ROBO2: variants seen among roughly 807,000 people sequenced by gnomAD.
ROBO2 encodes the protein roundabout homolog 2.
In ROBO2, 53 loss-of-function variants were observed where a neutral mutation model predicts 160.8. The ratio of observed to expected loss-of-function variants is 0.33; its 90% CI spans 0.26 to 0.41. The LOEUF is 0.41. Among genes scored for constraint, ROBO2 ranks in the 10% least tolerant of loss-of-function variants. ROBO2 has a pLI of 1.00. For synonymous variants in ROBO2, 664 were observed against 611.7 expected, an observed-to-expected ratio of 1.09 and a Z score of -1.26; for missense variants, 1,577 against 1,722.4, an observed-to-expected ratio of 0.92 and a Z score of 1.49.
intron 5 of ROBO2, among the ~76,000 whole-genome samples, chr3:77,518,837 C>T (rs549087317): frequency 4.6e-5 from 7 of 151,552 alleles, no homozygotes; most frequent in South Asian, 2.1e-4. Flanking sequence ...TAGGCTAGAC[C>T]GTTAAAAATT....
intron 2 of ROBO2, among the ~76,000 whole-genome samples, chr3:76,828,768 A>T (rs575343315): frequency 3.3e-5 from 5 of 152,058 alleles, no homozygotes; most frequent in Admixed American, 6.6e-5. Flanking sequence ...CTTATCCTTT[A>T]TGTCCTGTGT....
chr3:76,783,975 CT>C (rs945686006), intron 2 of ROBO2, among the ~76,000 whole-genome samples: 7 of 150,746 alleles, frequency 4.6e-5, no homozygotes, highest in Admixed American at 6.6e-5. Context: ...AGTTCACTGA[CT>C]TTTTTTTCTA....
chr3:76,643,654 ATTTAT>A (rs67702868), intron 2 of ROBO2, among the ~76,000 whole-genome samples: 2,611 of 128,958 alleles, frequency 0.02, 69 homozygotes, highest in African/African-American at 0.07. Flanking sequence ...TTAATACATA[ATTTAT>A]GTCTACCCCT....
intron 8 of ROBO2, among the ~76,000 whole-genome samples, chr3:77,556,518 GA>G (rs781183835): frequency 2.0e-5 from 3 of 151,818 alleles, no homozygotes; most frequent in Non-Finnish European, 4.4e-5. Context: ...GCTTTCTCAT[GA>G]TAGGTTCTGA....
intron 2 of ROBO2, among the ~76,000 whole-genome samples, chr3:76,893,636 G>A (rs1400294564): frequency 1.3e-5 from 2 of 151,916 alleles, no homozygotes; most frequent in East Asian, 3.9e-4. Context: ...AGGTATCCAT[G>A]AATTCAAATA....
intron 2 of ROBO2, among the ~76,000 whole-genome samples, chr3:76,150,482 G>A (rs1159520878): frequency 1.3e-5 from 2 of 150,608 alleles, no homozygotes; most frequent in East Asian, 2.0e-4. Context: ...TATGTCTAAA[G>A]CACACATCAT....
intron 2 of ROBO2, among the ~76,000 whole-genome samples, chr3:76,650,783 A>G (rs2091220452): frequency 6.6e-6 from 1 of 152,188 alleles, no homozygotes; most frequent in Non-Finnish European, 1.5e-5. Context: ...AGCTCTAAAG[A>G]TGCTCAGATA....
intron 2 of ROBO2, among the ~76,000 whole-genome samples, chr3:76,265,802 A>T (rs1301266280): frequency 6.6e-6 from 1 of 152,164 alleles, no homozygotes; most frequent in Non-Finnish European, 1.5e-5. Context: ...AATTTAATAC[A>T]TCTTTAACAG....
chr3:76,468,180 GA>G (rs1345578531), intron 2 of ROBO2, among the ~76,000 whole-genome samples: 1 of 152,088 alleles, frequency 6.6e-6, no homozygotes, highest in Non-Finnish European at 1.5e-5. Context: ...ATTATAGCCT[GA>G]AAAGGGTTAA....
chr3:77,562,802 A>G, intron 10 of ROBO2, 70 bp downstream of exon 11: 1 of 1,098,274 alleles, frequency 9.1e-7, no homozygotes, highest in Non-Finnish European at 1.4e-6. Flanking sequence ...ATAATAAGTT[A>G]AGGGGGGATC....
rs1158669183 is a variant in ROBO2, at chr3:76,455,862, G to A, written c.109+518260G>A. On this transcript the variant is annotated intron_variant, in intron 2 of 26. Coordinates refer to the ROBO2 transcript ENST00000487694. ...TTTATTTGTCTGCATGTCATGTCTGGCTGTGGTGTACACTATACCAATTCT... is the reference window on the plus strand; with the variant it reads ...TTTATTTGTCTGCATGTCATGTCTGACTGTGGTGTACACTATACCAATTCT... 2.0e-5 allele frequency among the ~76,000 whole-genome samples: 3 copies of A among 152,212 alleles called. No individual in the cohort carries two copies. In the East Asian group the frequency reaches 5.8e-4, roughly 29 times the overall value.
At chr3:76,434,257 T>A (rs949803645) in intron 2 of ROBO2, 6 of 1,000,382 alleles carry the variant, frequency 6.0e-6, no homozygotes, top group African/African-American at 1.6e-5. Context: ...CGAGCGCTGT[T>A]GGTTACAGAT....
intron 2 of ROBO2, among the ~76,000 whole-genome samples, chr3:76,193,723 G>A (rs748033758): frequency 1.3e-4 from 20 of 152,340 alleles, no homozygotes; most frequent in Non-Finnish European, 1.9e-4. Flanking sequence ...CATAAAATGG[G>A]AAATATCTTC....
chr3:76,794,437 T>C (rs945045338), intron 2 of ROBO2, among the ~76,000 whole-genome samples: 3 of 152,010 alleles, frequency 2.0e-5, no homozygotes, highest in Non-Finnish European at 4.4e-5. Context: ...ATTCATAGGA[T>C]TCCTAATTTC....
chr3:76,758,140 T>A lies in ROBO2; in HGVS notation c.110-339874T>A, dbSNP rs550369239. On this transcript the variant is annotated intron_variant, in intron 2 of 26. Coordinates refer to the ROBO2 transcript ENST00000487694. ...ATACAAAAGCAAAAAATAGCTTAAATTATCTGTTGTGAAAGCATCTAAAAC... is the reference window on the plus strand; with the variant it reads ...ATACAAAAGCAAAAAATAGCTTAAAATATCTGTTGTGAAAGCATCTAAAAC... 5.3e-5 allele frequency among the ~76,000 whole-genome samples: 8 copies of A among 151,854 alleles called. No homozygotes were observed. The South Asian group carries it at 1.7e-3, about 32-fold the overall frequency.
At chr3:76,109,719 G>C (rs1315734418) in intron 2 of ROBO2, among the ~76,000 whole-genome samples, 1 of 151,762 alleles carries the variant, frequency 6.6e-6, no homozygotes, top group African/African-American at 2.4e-5. Context: ...TTGTCACATG[G>C]CTATATTGCG....
Position 76,567,795 on chromosome 3 carries a change from G to A in ROBO2, c.110-530219G>A, listed in dbSNP as rs866588779. Among the ~76,000 whole-genome samples, 531 of 78,978 alleles carry A rather than the reference G, an allele frequency of 6.7e-3. 8 individuals carry two copies. The highest frequency in any genetic ancestry group is 0.014 in the East Asian group (28 of 2,070). 51.8% of individuals were successfully genotyped at this position (78,978 alleles called of 152,430 possible). A position where few individuals can be genotyped will look rare whatever the true frequency, so the allele number is the denominator to read the frequency against. On this transcript the variant is annotated intron_variant, in intron 2 of 26. Coordinates refer to the ROBO2 transcript ENST00000487694. ...TGTGTGTGTGTGTGTGTGTGTGTGT[G>A]TGTATATATATATTTTTTTTTTTTT...
chr3:77,160,090 C>A (rs1366559803), intron 2 of ROBO2, among the ~76,000 whole-genome samples: 1 of 145,366 alleles, frequency 6.9e-6, no homozygotes, highest in Non-Finnish European at 1.5e-5. Context: ...GTATGTATGC[C>A]CCTGTTCACC....
intron 2 of ROBO2, among the ~76,000 whole-genome samples, chr3:77,393,568 A>G (rs943344609): frequency 2.0e-5 from 3 of 148,672 alleles, no homozygotes; most frequent in African/African-American, 4.9e-5. Context: ...TTAATAGTAT[A>G]GTATAATTAT....
Sources: gnomAD v4.1 joint callset for allele counts (sites outside exome capture counted in the v4.1 genomes callset) on GRCh38, gnomAD v4.1.1 for gene constraint, MANE v1.5 for transcripts, NCBI Gene and HGNC (gene_info 2026-07-23, HGNC 2026-07-21) for gene names.